The following FHIT variants were observed in gnomAD, a reference collection of about 807,000 sequenced individuals.
FHIT encodes bis(5'-adenosyl)-triphosphatase.
In FHIT, 19 loss-of-function variants were observed where a neutral mutation model predicts 17.9. The ratio of observed to expected loss-of-function variants is 1.06; its 90% CI spans 0.74 to 1.56. The LOEUF (loss-of-function observed/expected upper bound fraction) is 1.56, where lower values mean the gene tolerates loss of function less well. Ranked by LOEUF, FHIT falls within the 40% of genes most tolerant of loss-of-function variation. The probability of loss-of-function intolerance (pLI) is 0.00; values close to 1 mark genes in which losing one functional copy is unlikely to be tolerated. For missense variants in FHIT, 248 were observed against 189.2 expected, an observed-to-expected ratio of 1.31 and a Z score of -1.82; for synonymous variants, 81 against 69.7, an observed-to-expected ratio of 1.16 and a Z score of -0.81.
intron 4 of FHIT, among the ~76,000 whole-genome samples, chr3:60,717,722 G>A (rs1156506139): frequency 2.0e-5 from 3 of 152,118 alleles, no homozygotes; most frequent in African/African-American, 7.2e-5. Flanking sequence ...TACCTGTCTT[G>A]GGGTTGAAAA....
intron 3 of FHIT, among the ~76,000 whole-genome samples, chr3:61,038,719 G>C (rs182250021): frequency 4.6e-5 from 7 of 152,140 alleles, no homozygotes; most frequent in Admixed American, 4.6e-4. Context: ...CTTCAGAAGA[G>C]AAAAAGAAAG....
intron 5 of FHIT, among the ~76,000 whole-genome samples, chr3:60,336,347 CTCT>C (rs1710239713): frequency 6.6e-6 from 1 of 152,214 alleles, no homozygotes; most frequent in Non-Finnish European, 1.5e-5. Flanking sequence ...GCCATTTTGG[CTCT>C]TCTTTAGTTA....
chr3:60,675,736 C>T (rs906243116), intron 4 of FHIT, among the ~76,000 whole-genome samples: 24 of 152,320 alleles, frequency 1.6e-4, no homozygotes, highest in African/African-American at 5.3e-4. Context: ...CACTGGCTTG[C>T]AAATGCATCT....
At chr3:59,769,654 T>TAC (rs1391047369) in intron 8 of FHIT, among the ~76,000 whole-genome samples, 5 of 152,258 alleles carry the variant, frequency 3.3e-5, no homozygotes, top group African/African-American at 9.6e-5. Flanking sequence ...ACCATAGCAG[T>TAC]ACACACGGAA....
intron 4 of FHIT, among the ~76,000 whole-genome samples, chr3:60,604,353 G>T (rs868915202): frequency 1.3e-5 from 2 of 152,154 alleles, no homozygotes; most frequent in Admixed American, 6.5e-5. Flanking sequence ...GTGGAAATGG[G>T]ATTTCAACCA....
chr3:60,244,776 AT>A (rs1189641711), intron 5 of FHIT, among the ~76,000 whole-genome samples: 2 of 152,124 alleles, frequency 1.3e-5, no homozygotes, highest in Non-Finnish European at 2.9e-5. Context: ...GATGTTTCAC[AT>A]TTATATTTTA....
At position 60,599,512 on chromosome 3, in the gene FHIT, T is replaced by A. The variant is rs79765090; in HGVS notation, c.-17-62533A>T. 4.9e-3 allele frequency among the ~76,000 whole-genome samples: 739 copies of A among 152,262 alleles called. 5 individuals carry two copies. Among genetic ancestry groups the A allele is most frequent in the African/African-American group, 0.017 (697 of 41,544 alleles). On this transcript the variant is annotated intron_variant, in intron 4 of 9. Coordinates refer to ENST00000492590, the MANE Select transcript of FHIT (RefSeq NM_002012.4). ...TTTCTATATTTCCTAAGGTGACTAT[T>A]AAGTCGGAGTCAAATATCAGAAACA...
intron 5 of FHIT, among the ~76,000 whole-genome samples, chr3:60,079,832 G>C (rs1703198716): frequency 6.6e-6 from 1 of 151,940 alleles, no homozygotes; most frequent in Admixed American, 6.6e-5. Flanking sequence ...ATGAATGCAG[G>C]GAAGGGGGTG....
intron 4 of FHIT, among the ~76,000 whole-genome samples, chr3:60,639,455 G>A (rs2039671897): frequency 6.6e-6 from 1 of 152,102 alleles, no homozygotes; most frequent in Non-Finnish European, 1.5e-5. Context: ...AAGGGTTGGG[G>A]AGACAAAATT....
chr3:60,854,784 C>G (rs1434090497), intron 3 of FHIT, among the ~76,000 whole-genome samples: 1 of 152,120 alleles, frequency 6.6e-6, no homozygotes, highest in Non-Finnish European at 1.5e-5. Flanking sequence ...GTCATACAGT[C>G]TTTCCTAACT....
At chr3:60,637,956 G>T (rs1453146841) in intron 4 of FHIT, among the ~76,000 whole-genome samples, 1 of 152,128 alleles carries the variant, frequency 6.6e-6, no homozygotes, top group Non-Finnish European at 1.5e-5. Context: ...ACCTACTAGA[G>T]TAATGTCAAA....
Position 60,639,997 on chromosome 3 carries a change from G to A in FHIT, c.-17-103018C>T, listed in dbSNP as rs569583272. 1.3e-3 allele frequency among the ~76,000 whole-genome samples: 191 copies of A among 152,254 alleles called. 1 individual carries two copies. The highest frequency in any genetic ancestry group is 4.4e-3 in the African/African-American group (184 of 41,544). On this transcript the variant is annotated intron_variant, in intron 4 of 9. Coordinates refer to ENST00000492590, the MANE Select transcript of FHIT (RefSeq NM_002012.4). ...AACACATGCAACCACTATTCTCCAA[G>A]TCATTATGTTCACTAAAGGAAGCGA...
chr3:60,343,866 G>T (rs990964115), intron 5 of FHIT, among the ~76,000 whole-genome samples: 11 of 152,100 alleles, frequency 7.2e-5, no homozygotes, highest in Non-Finnish European at 1.0e-4. Flanking sequence ...TGGACTACTA[G>T]AATTCCATGA....
At chr3:60,183,515 A>G (rs1414740022) in intron 5 of FHIT, among the ~76,000 whole-genome samples, 2 of 152,212 alleles carry the variant, frequency 1.3e-5, no homozygotes. Flanking sequence ...TTTGACTGAC[A>G]GTGTCCCTCA....
intron 5 of FHIT, among the ~76,000 whole-genome samples, chr3:60,433,222 TC>T (rs1417071837): frequency 6.6e-6 from 1 of 152,142 alleles, no homozygotes; most frequent in Non-Finnish European, 1.5e-5. Flanking sequence ...TTCAGGTTCA[TC>T]TACATTATCT....
At chr3:60,863,245 C>T (rs1211536154) in intron 3 of FHIT, among the ~76,000 whole-genome samples, 1 of 152,154 alleles carries the variant, frequency 6.6e-6, no homozygotes, top group Non-Finnish European at 1.5e-5. Flanking sequence ...AAAATAGGGA[C>T]TTCAGTCCTA....
chr3:61,036,095 G>A (rs566054718), intron 3 of FHIT, among the ~76,000 whole-genome samples: 3 of 152,328 alleles, frequency 2.0e-5, no homozygotes, highest in African/African-American at 7.2e-5. Context: ...GAGGCTGTAC[G>A]AGCATGGCAC....
At chr3:61,124,833 T>A (rs1334137805) in intron 2 of FHIT, among the ~76,000 whole-genome samples, 2 of 152,200 alleles carry the variant, frequency 1.3e-5, no homozygotes, top group African/African-American at 4.8e-5. Context: ...TGTGATTTTT[T>A]AAACTTTCTC....
rs548442497 is a variant in FHIT, at chr3:59,801,090, G to A, written c.349-48769C>T. On this transcript the variant is annotated intron_variant, in intron 8 of 9. Transcript: ENST00000492590. ...AACATGATACAGAAATTGTAGTGTT[G>A]CAGAGCTGTACCTGCTCATTTGCTG... Among the ~76,000 whole-genome samples, 5 of 152,308 alleles carry A rather than the reference G, an allele frequency of 3.3e-5. No individual in the cohort carries two copies. In the South Asian group the frequency reaches 1.0e-3, roughly 32 times the overall value.
Sources: allele counts gnomAD v4.1 joint callset (sites outside exome capture counted in the v4.1 genomes callset), GRCh38; gene constraint gnomAD v4.1.1; transcripts MANE v1.5; gene names NCBI Gene and HGNC (gene_info 2026-07-23, HGNC 2026-07-21).